The following RARB variants were observed in gnomAD, a reference collection of about 807,000 sequenced individuals.
RARB encodes the protein retinoic acid receptor beta, also known as HBV-activated protein.
Under a neutral mutation model 51.9 loss-of-function variants are expected in RARB, and 17 were observed. The observed-to-expected ratio is 0.33, with a 90% confidence interval of 0.22 to 0.49. RARB has a LOEUF of 0.49. RARB is among the 20% of genes least tolerant of loss of function. The probability of loss-of-function intolerance (pLI) is 0.99; values close to 1 mark genes in which losing one functional copy is unlikely to be tolerated. For missense variants in RARB, 369 were observed against 550.8 expected, an observed-to-expected ratio of 0.67 and a Z score of 3.30; for synonymous variants, 215 against 195.4, an observed-to-expected ratio of 1.10 and a Z score of -0.84.
At chr3:25,183,785 C>T (rs968006322) in intron 5 of RARB, among the ~76,000 whole-genome samples, 17 of 152,246 alleles carry the variant, frequency 1.1e-4, no homozygotes, top group South Asian at 4.1e-4. Context: ...CAAATTGTAA[C>T]GATTCCTCTG....
chr3:25,457,265 C>T (rs1694965944), intron 1 of RARB, among the ~76,000 whole-genome samples: 1 of 152,008 alleles, frequency 6.6e-6, no homozygotes, highest in Non-Finnish European at 1.5e-5. Flanking sequence ...TCTATTAGGC[C>T]AAATTTGTCA....
At chr3:25,477,179 T>G (rs146846512) in intron 2 of RARB, among the ~76,000 whole-genome samples, 2 of 152,212 alleles carry the variant, frequency 1.3e-5, no homozygotes, top group Non-Finnish European at 2.9e-5. Context: ...AGGCATCCTT[T>G]ATTCATTTCA....
intron 5 of RARB, among the ~76,000 whole-genome samples, chr3:25,388,905 T>C (rs780821892): frequency 6.6e-6 from 1 of 152,170 alleles, no homozygotes; most frequent in Non-Finnish European, 1.5e-5. Flanking sequence ...TTCAAAGTTG[T>C]AAGAGGAGAG....
intron 2 of RARB, among the ~76,000 whole-genome samples, chr3:25,024,610 G>C (rs571340762): frequency 3.4e-4 from 52 of 152,238 alleles, no homozygotes; most frequent in African/African-American, 1.1e-3. Flanking sequence ...CATTGGACTA[G>C]AAAGCCATTA....
At chr3:25,506,115 T>C (rs1472381609) in intron 3 of RARB, among the ~76,000 whole-genome samples, 1 of 152,034 alleles carries the variant, frequency 6.6e-6, no homozygotes, top group Non-Finnish European at 1.5e-5. Context: ...TCTTCAGGCA[T>C]GGTAGCGCGC....
chr3:25,332,459 T>G (rs188394270), intron 5 of RARB, among the ~76,000 whole-genome samples: 3 of 152,324 alleles, frequency 2.0e-5, no homozygotes, highest in Admixed American at 2.0e-4. Context: ...GAAAAGGCCT[T>G]TGACAGAATT....
intron 1 of RARB, among the ~76,000 whole-genome samples, chr3:25,457,826 C>A (rs535591962): frequency 7.0e-4 from 107 of 152,280 alleles, no homozygotes; most frequent in African/African-American, 2.5e-3. Flanking sequence ...CTTTCCTAGA[C>A]AGGCCAGATT....
At chr3:24,924,515 A>T (rs1187262984) in intron 2 of RARB, among the ~76,000 whole-genome samples, 1 of 152,200 alleles carries the variant, frequency 6.6e-6, no homozygotes, top group Admixed American at 6.6e-5. Flanking sequence ...TAAAATTTTC[A>T]TTTAATGTTT....
chr3:24,866,159 G>A (rs1702843730), intron 2 of RARB, among the ~76,000 whole-genome samples: 1 of 152,060 alleles, frequency 6.6e-6, no homozygotes, highest in African/African-American at 2.4e-5. Context: ...CTTCACACCT[G>A]ATCCTGCCAA....
chr3:25,292,244 G>C (rs1703806863), intron 5 of RARB, among the ~76,000 whole-genome samples: 1 of 152,140 alleles, frequency 6.6e-6, no homozygotes, highest in Non-Finnish European at 1.5e-5. Context: ...AGGGCCATTG[G>C]ATGGTGAGAT....
chr3:25,365,746 A>G (rs1048859446), intron 5 of RARB, among the ~76,000 whole-genome samples: 1 of 152,186 alleles, frequency 6.6e-6, no homozygotes, highest in Non-Finnish European at 1.5e-5. Context: ...CTTACTCTCA[A>G]TGTGGTTTTG....
At position 25,154,117 on chromosome 3, in the gene RARB, T is replaced by C. The variant is rs541869039; in HGVS notation, c.-279-20002T>C. Among the ~76,000 whole-genome samples, 286 of 152,384 alleles carry C rather than the reference T, an allele frequency of 1.9e-3. 3 individuals are homozygous for C. The South Asian group carries it at 0.038, about 20-fold the overall frequency. On this transcript the variant is annotated intron_variant, in intron 4 of 11. Coordinates refer to the RARB transcript ENST00000383772. ...GTGGATTTTTAAGAAGCCAGCTATG[T>C]TGTGTTACACAATTAAAGATATCTT...
chr3:25,035,117 C>G (rs1697959014), intron 2 of RARB, among the ~76,000 whole-genome samples: 1 of 152,062 alleles, frequency 6.6e-6, no homozygotes, highest in Non-Finnish European at 1.5e-5. Context: ...GTACTGTTAA[C>G]TGCATTTTTT....
At chr3:25,319,391 G>A (rs977329759) in intron 5 of RARB, among the ~76,000 whole-genome samples, 3 of 152,186 alleles carry the variant, frequency 2.0e-5, no homozygotes, top group African/African-American at 7.2e-5. Context: ...TCTGTGGAAT[G>A]GCCATGTTGA....
At chr3:25,275,754 A>G (rs989426362) in intron 5 of RARB, among the ~76,000 whole-genome samples, 3 of 144,196 alleles carry the variant, frequency 2.1e-5, no homozygotes, top group Admixed American at 6.9e-5. Flanking sequence ...GAAGGGGACC[A>G]TCACACACCG....
chr3:24,947,814 A>T (rs1346808669), intron 2 of RARB, among the ~76,000 whole-genome samples: 1 of 152,180 alleles, frequency 6.6e-6, no homozygotes, highest in East Asian at 1.9e-4. Flanking sequence ...ACTGCCATTT[A>T]GTAGCTCTGT....
intron 5 of RARB, among the ~76,000 whole-genome samples, chr3:25,238,155 C>CT (rs978500359): frequency 1.3e-5 from 2 of 152,020 alleles, no homozygotes; most frequent in Non-Finnish European, 2.9e-5. Context: ...CCAGCGCCCC[C>CT]CCACACATCC....
At chr3:24,974,392 C>T (rs942383889) in intron 2 of RARB, among the ~76,000 whole-genome samples, 3 of 152,116 alleles carry the variant, frequency 2.0e-5, no homozygotes, top group East Asian at 1.9e-4. Flanking sequence ...TTAGAAGTTT[C>T]GTTTTTGAAA....
chr3:24,927,680 A>T (rs1473349591), intron 2 of RARB, among the ~76,000 whole-genome samples: 3 of 152,110 alleles, frequency 2.0e-5, no homozygotes, highest in Non-Finnish European at 4.4e-5. Context: ...TGTTACTCAT[A>T]ATTGATCAGC....
Sources: gnomAD v4.1 joint callset for allele counts (sites outside exome capture counted in the v4.1 genomes callset) on GRCh38, gnomAD v4.1.1 for gene constraint, MANE v1.5 for transcripts, NCBI Gene and HGNC (gene_info 2026-07-23, HGNC 2026-07-21) for gene names.